Variants in PPP3CC observed in about 807,000 individuals in gnomAD.
The protein encoded by PPP3CC is protein phosphatase 3 catalytic subunit gamma, also known as serine/threonine-protein phosphatase 2B catalytic subunit gamma isoform.
In PPP3CC, 35 loss-of-function variants were observed where a neutral mutation model predicts 60.3. That is an observed-to-expected ratio of 0.58 (90% CI 0.44 to 0.77). PPP3CC has a LOEUF of 0.77. Among genes scored for constraint, PPP3CC ranks in the 30% least tolerant of loss-of-function variants. The pLI, the probability that PPP3CC is intolerant of heterozygous loss-of-function variation, is 0.00. For synonymous variants in PPP3CC, 206 were observed against 224.3 expected, an observed-to-expected ratio of 0.92 and a Z score of 0.73; for missense variants, 570 against 628.9, an observed-to-expected ratio of 0.91 and a Z score of 1.00.
chr8:22,527,912 G>A (rs1053040347), intron 9 of PPP3CC, among the ~76,000 whole-genome samples: 1 of 152,158 alleles, frequency 6.6e-6, no homozygotes, highest in Non-Finnish European at 1.5e-5. Flanking sequence ...TGGGATTACA[G>A]GTGTGAGCCA....
At chr8:22,539,563 T>C (rs1233270415) in intron 13 of PPP3CC, 65 bp downstream of exon 13, 1 of 1,482,648 alleles carries the variant, frequency 6.7e-7, no homozygotes, top group Non-Finnish European at 9.3e-7. Context: ...CGAAGCTTTA[T>C]CAACATTTCA....
At chr8:22,538,926 A>C (rs909531188) in intron 12 of PPP3CC, among the ~76,000 whole-genome samples, 2 of 152,082 alleles carry the variant, frequency 1.3e-5, no homozygotes, top group Non-Finnish European at 2.9e-5. Context: ...ATAACCCTTC[A>C]CATGGAACCT....
intron 1 of PPP3CC, among the ~76,000 whole-genome samples, chr8:22,463,092 A>G (rs1837411629): frequency 6.6e-6 from 1 of 152,198 alleles, no homozygotes; most frequent in Non-Finnish European, 1.5e-5. Flanking sequence ...AACAGTAAGG[A>G]AAAGTTATCT....
intron 10 of PPP3CC, chr8:22,531,208 T>G: frequency 8.1e-7 from 1 of 1,237,944 alleles, no homozygotes; most frequent in Non-Finnish European, 1.1e-6. Context: ...CATTTCACTT[T>G]GATTTTTTTT....
At chr8:22,510,929 C>A in intron 4 of PPP3CC, 157 bp from the exon 5 acceptor site, 1 of 753,994 alleles carries the variant, frequency 1.3e-6, no homozygotes, top group Non-Finnish European at 2.1e-6. Context: ...AACCTATTAT[C>A]CACAACTTTT....
In PPP3CC at chr8:22,528,601, AAAACT is replaced by A. The variant is rs777822046; in HGVS notation, c.1141+26_1141+30del. On this transcript the variant is annotated intron_variant, in intron 10 of 13. Transcript: ENST00000240139. ...AGGTAAACTTTTCCTCCTTTGAACT[AAAACT>A]AGAAAGAGGTTTGGTTTTGGTTTTA... 5.4e-6 allele frequency: 8 copies of A among 1,471,306 alleles called. No homozygotes were observed. In the South Asian group the frequency reaches 1.1e-4, roughly 20 times the overall value. The allele number at this position is 1,471,306 out of a possible 1,614,324, so 91.1% of individuals were successfully genotyped here.
At chr8:22,514,356 T>C (rs941961151) in intron 6 of PPP3CC, among the ~76,000 whole-genome samples, 1 of 151,878 alleles carries the variant, frequency 6.6e-6, no homozygotes, top group Non-Finnish European at 1.5e-5. Flanking sequence ...TTTATTTCCC[T>C]AAAAATCTCT....
At chr8:22,533,863 C>A (rs1199179662) in intron 12 of PPP3CC, among the ~76,000 whole-genome samples, 1 of 151,246 alleles carries the variant, frequency 6.6e-6, no homozygotes. Flanking sequence ...ATGAAAAGAT[C>A]TTAATATTAT....
At chr8:22,529,672 T>C (rs775759686) in intron 10 of PPP3CC, among the ~76,000 whole-genome samples, 16 of 152,062 alleles carry the variant, frequency 1.1e-4, no homozygotes, top group African/African-American at 1.9e-4. Context: ...TTAGTATAGA[T>C]GGGGTTTCGC....
intron 4 of PPP3CC, among the ~76,000 whole-genome samples, chr8:22,505,090 A>G (rs1447247135): frequency 1.4e-5 from 2 of 145,996 alleles, no homozygotes; most frequent in Non-Finnish European, 1.5e-5. Flanking sequence ...GCAGTGGCAC[A>G]ATCTCGGCTC....
chr8:22,490,722 C>G (rs1460355348), intron 3 of PPP3CC, among the ~76,000 whole-genome samples: 1 of 150,500 alleles, frequency 6.6e-6, no homozygotes, highest in Admixed American at 6.7e-5. Context: ...TTTGTCCTTG[C>G]GATAGTTTGC....
At chr8:22,478,103 G>A (rs1837951547) in intron 3 of PPP3CC, among the ~76,000 whole-genome samples, 1 of 151,808 alleles carries the variant, frequency 6.6e-6, no homozygotes, top group South Asian at 2.1e-4. Flanking sequence ...ACCCACCTTG[G>A]CCTCCCAAAG....
At chr8:22,486,478 C>A (rs1487951195) in intron 3 of PPP3CC, among the ~76,000 whole-genome samples, 1 of 152,180 alleles carries the variant, frequency 6.6e-6, no homozygotes, top group Non-Finnish European at 1.5e-5. Context: ...TTTGGAAACA[C>A]TCTTTCTTGA....
intron 5 of PPP3CC, among the ~76,000 whole-genome samples, chr8:22,511,550 G>A (rs1298261282): frequency 6.6e-6 from 1 of 152,162 alleles, no homozygotes; most frequent in Non-Finnish European, 1.5e-5. Context: ...GATTACAGGT[G>A]TGAGCCACCG....
chr8:22,530,497 C>T (rs914437409), intron 10 of PPP3CC, among the ~76,000 whole-genome samples: 8 of 145,076 alleles, frequency 5.5e-5, no homozygotes, highest in South Asian at 4.4e-4. Context: ...TTCTTTCCCA[C>T]CACAAACATA....
Position 22,492,577 on chromosome 8 carries a change from C to T in PPP3CC, c.373-5424C>T, listed in dbSNP as rs1482963556. 5 of 461,488 alleles carry T rather than the reference C, an allele frequency of 1.1e-5. No homozygotes were observed. In the East Asian group the frequency reaches 2.1e-4, roughly 19 times the overall value. The allele number at this position is 461,488 out of a possible 1,614,324, so 28.6% of individuals were successfully genotyped here. A position where few individuals can be genotyped will look rare whatever the true frequency, so the allele number is the denominator to read the frequency against. On this transcript the variant is annotated intron_variant, in intron 3 of 13. Transcript: ENST00000240139. ...TCCACCCGAGACCCCCAAGCACCAACCCTAGCCCCCCACGTTGGCCCCTTA... is the reference window on the plus strand; with the variant it reads ...TCCACCCGAGACCCCCAAGCACCAATCCTAGCCCCCCACGTTGGCCCCTTA...
At chr8:22,519,771 C>T (rs540754518) in intron 6 of PPP3CC, among the ~76,000 whole-genome samples, 4 of 152,330 alleles carry the variant, frequency 2.6e-5, no homozygotes, top group Admixed American at 6.5e-5. Context: ...TCTCCTACCT[C>T]AGCCTCCTGA....
chr8:22,491,596 A>G (rs1469158039), intron 3 of PPP3CC, among the ~76,000 whole-genome samples: 1 of 152,202 alleles, frequency 6.6e-6, no homozygotes, highest in Non-Finnish European at 1.5e-5. Flanking sequence ...GTGCTGCTTT[A>G]TCTGAGTCCC....
Position 22,477,968 on chromosome 8 carries a change from A to C in PPP3CC, c.372+2344A>C, listed in dbSNP as rs572330939. 6.6e-5 allele frequency among the ~76,000 whole-genome samples: 10 copies of C among 152,176 alleles called. 1 individual carries two copies. The South Asian group carries it at 2.1e-3, about 32-fold the overall frequency. On this transcript the variant is annotated intron_variant, in intron 3 of 13. Transcript: ENST00000240139. ...CAGGTTCAAATGATTCTTCTGCCTC[A>C]GCCTCCCAAGTAGTTGGGATTACAG... is the stretch of plus-strand genomic sequence containing the variant.
Sources: gnomAD v4.1 joint callset for allele counts (sites outside exome capture counted in the v4.1 genomes callset) on GRCh38, gnomAD v4.1.1 for gene constraint, MANE v1.5 for transcripts, NCBI Gene and HGNC (gene_info 2026-07-23, HGNC 2026-07-21) for gene names.